The following PTPRD variants were observed in gnomAD, a reference collection of about 807,000 sequenced individuals.
The protein encoded by PTPRD is protein tyrosine phosphatase receptor type D, also known as receptor-type tyrosine-protein phosphatase delta.
A neutral mutation model predicts 214.5 loss-of-function variants in PTPRD; 34 were observed. That is an observed-to-expected ratio of 0.16 (90% CI 0.12 to 0.21). The LOEUF (loss-of-function observed/expected upper bound fraction) is 0.21. Ranked by LOEUF, PTPRD falls within the 10% of genes least tolerant of loss-of-function variation. The probability of loss-of-function intolerance (pLI) is 1.00; values close to 1 mark genes in which losing one functional copy is unlikely to be tolerated. For synonymous variants in PTPRD, 1,128 were observed against 845.7 expected (o/e 1.33, Z -5.79); for missense variants, 2,545 against 2,398.7 (o/e 1.06, Z -1.27).
intron 11 of PTPRD, among the ~76,000 whole-genome samples, chr9:8,934,482 T>TATATATATAAATATATATATAA: frequency 1.3e-4 from 1 of 7,670 alleles, no homozygotes; most frequent in African/African-American, 3.7e-4. Flanking sequence ...TATATAAATA[T>TATATATATAAATATATATATAA]ATATATATAT....
chr9:9,125,948 T>G (rs2099831584), intron 10 of PTPRD, among the ~76,000 whole-genome samples: 1 of 152,070 alleles, frequency 6.6e-6, no homozygotes, highest in Non-Finnish European at 1.5e-5. Flanking sequence ...GGGTGAATGG[T>G]CCAGGCAGAA....
Position 9,426,342 on chromosome 9 carries a change from C to T in PTPRD, c.-236-28860G>A, listed in dbSNP as rs544806646. Among the ~76,000 whole-genome samples, 165 of 152,294 alleles carry T rather than the reference C, an allele frequency of 1.1e-3. 1 individual carries two copies. The highest frequency in any genetic ancestry group is 1.3e-3 in the Non-Finnish European group (89 of 68,030). On this transcript the variant is annotated intron_variant, in intron 8 of 45. Transcript: ENST00000381196. The stretch of plus-strand genomic sequence containing the variant: ...AGCAGTCTGAGATCGAACTGCAAGG[C>T]GGCAGCAAGGCTTGGGGATGGGCGC...
At chr9:8,344,251 T>C (rs1025400119) in intron 39 of PTPRD, among the ~76,000 whole-genome samples, 2 of 152,068 alleles carry the variant, frequency 1.3e-5, no homozygotes, top group African/African-American at 4.8e-5. Context: ...GAAACCACAC[T>C]GTAAACCTTA....
At chr9:10,089,952 T>C (rs749599131) in intron 3 of PTPRD, among the ~76,000 whole-genome samples, 2 of 151,666 alleles carry the variant, frequency 1.3e-5, no homozygotes, top group Non-Finnish European at 3.0e-5. Flanking sequence ...AGGTGATTAA[T>C]GAAATAGTCT....
chr9:8,448,342 TCAAA>T (rs1424311904), intron 34 of PTPRD, among the ~76,000 whole-genome samples: 6 of 152,078 alleles, frequency 3.9e-5, no homozygotes, highest in South Asian at 2.1e-4. Context: ...AACCCATCAA[TCAAA>T]CAAACAACCA....
At chr9:9,232,642 G>A (rs2099963829) in intron 9 of PTPRD, among the ~76,000 whole-genome samples, 1 of 151,906 alleles carries the variant, frequency 6.6e-6, no homozygotes, top group South Asian at 2.1e-4. Context: ...AAGTTTGACT[G>A]TTTTCACACT....
intron 11 of PTPRD, among the ~76,000 whole-genome samples, chr9:8,914,714 C>T (rs1206554134): frequency 1.3e-5 from 2 of 152,178 alleles, no homozygotes; most frequent in East Asian, 3.9e-4. Context: ...TAATTTTAAA[C>T]AATTTGAAGT....
chr9:8,716,846 G>C (rs992373376), intron 12 of PTPRD, among the ~76,000 whole-genome samples: 1 of 152,172 alleles, frequency 6.6e-6, no homozygotes, highest in Non-Finnish European at 1.5e-5. Context: ...TTGGAATGTA[G>C]GGGGTTGGGG....
intron 7 of PTPRD, among the ~76,000 whole-genome samples, chr9:9,690,613 G>T (rs148145197): frequency 6.6e-6 from 1 of 151,856 alleles, no homozygotes. Context: ...TTAAGTCTTA[G>T]ATTTAAGCCT....
chr9:10,309,399 C>A (rs1054811535), intron 3 of PTPRD, among the ~76,000 whole-genome samples: 8 of 151,942 alleles, frequency 5.3e-5, no homozygotes, highest in African/African-American at 1.9e-4. Context: ...GTTGCCTAGG[C>A]TGAAGTGTAA....
intron 10 of PTPRD, among the ~76,000 whole-genome samples, chr9:9,080,230 G>A (rs868712594): frequency 2.6e-5 from 4 of 151,998 alleles, no homozygotes; most frequent in Non-Finnish European, 5.9e-5. Context: ...TTTACACATG[G>A]TGTAAGAGAT....
At chr9:9,337,468 A>G (rs1221941887) in intron 9 of PTPRD, among the ~76,000 whole-genome samples, 1 of 152,146 alleles carries the variant, frequency 6.6e-6, no homozygotes, top group East Asian at 1.9e-4. Flanking sequence ...TCCCAGTTAC[A>G]ATTTTCTTCC....
chr9:9,010,225 C>T lies in PTPRD; in HGVS notation c.-104+8472G>A, dbSNP rs1039935543. On this transcript the variant is annotated intron_variant, in intron 11 of 45. Transcript: ENST00000381196. ...AGTAACAGATTCAACATATCTTTGA[C>T]CAATATTTTCCAAGCCTAAAAGAAA... is the stretch of plus-strand genomic sequence containing the variant. Among the ~76,000 whole-genome samples the T allele has an allele frequency of 4.6e-5, 7 of 152,204 alleles. No homozygotes were observed. The East Asian group carries it at 1.2e-3, about 25-fold the overall frequency.
At chr9:10,401,649 A>G (rs1460814307) in intron 2 of PTPRD, among the ~76,000 whole-genome samples, 1 of 148,450 alleles carries the variant, frequency 6.7e-6, no homozygotes, top group Non-Finnish European at 1.5e-5. Flanking sequence ...ATCTAATACT[A>G]TAGATATACT....
chr9:9,539,662 A>G (rs948974362), intron 8 of PTPRD, among the ~76,000 whole-genome samples: 6 of 151,854 alleles, frequency 4.0e-5, no homozygotes, highest in Admixed American at 2.0e-4. Context: ...TACAAGTAAA[A>G]TAAGTTCTCC....
At chr9:10,602,142 T>C (rs1403424736) in intron 2 of PTPRD, among the ~76,000 whole-genome samples, 5 of 151,834 alleles carry the variant, frequency 3.3e-5, no homozygotes, top group African/African-American at 1.2e-4. Flanking sequence ...ATTTTGTATA[T>C]GTGCTTTGCC....
At chr9:10,409,607 AT>A (rs1450728352) in intron 2 of PTPRD, among the ~76,000 whole-genome samples, 1 of 151,806 alleles carries the variant, frequency 6.6e-6, no homozygotes, top group Non-Finnish European at 1.5e-5. Context: ...TTAATACTAC[AT>A]TTATGCATAT....
At chr9:9,937,282 T>C (rs187418531) in intron 5 of PTPRD, among the ~76,000 whole-genome samples, 13 of 151,730 alleles carry the variant, frequency 8.6e-5, no homozygotes, top group African/African-American at 2.9e-4. Context: ...TGGTCTCTTT[T>C]ATCTTTTTTC....
chr9:9,462,224 A>C (rs984601790), intron 8 of PTPRD, among the ~76,000 whole-genome samples: 1 of 152,052 alleles, frequency 6.6e-6, no homozygotes, highest in Non-Finnish European at 1.5e-5. Context: ...ACCTTCAGCC[A>C]CCTTTTAGGA....
Sources: gnomAD v4.1 joint callset for allele counts (sites outside exome capture counted in the v4.1 genomes callset) on GRCh38, gnomAD v4.1.1 for gene constraint, MANE v1.5 for transcripts, NCBI Gene and HGNC (gene_info 2026-07-23, HGNC 2026-07-21) for gene names.